Variants in MTUS1 observed in about 807,000 individuals in gnomAD.
MTUS1 encodes the protein microtubule associated scaffold protein 1, also known as microtubule-associated tumor suppressor 1.
A neutral mutation model predicts 120.8 loss-of-function variants in MTUS1; 109 were observed. The observed-to-expected ratio is 0.90, with a 90% confidence interval of 0.77 to 1.06. The LOEUF (loss-of-function observed/expected upper bound fraction) is 1.06. MTUS1 is among the 50% of genes least tolerant of loss of function. MTUS1 has a pLI of 0.00. For missense variants in MTUS1, 2,210 were observed against 1,486.3 expected (o/e 1.49, Z -8.01); for synonymous variants, 737 against 550.5 (o/e 1.34, Z -4.74).
chr8:17,697,924 A>T (rs1326251976), intron 6 of MTUS1, among the ~76,000 whole-genome samples: 2 of 152,212 alleles, frequency 1.3e-5, no homozygotes, highest in African/African-American at 4.8e-5. Context: ...TGATAACATG[A>T]GCATTTTTTC....
intron 8 of MTUS1, among the ~76,000 whole-genome samples, chr8:17,670,599 G>A (rs1225309428): frequency 3.9e-5 from 6 of 152,112 alleles, no homozygotes; most frequent in Non-Finnish European, 7.3e-5. Context: ...CGAGACGGGC[G>A]GATCACTTGA....
rs572353133 is a variant in MTUS1, at chr8:17,643,833, A to G, written c.*2093T>C. ...ATTCCAGCATTATTTATTTGATCAG[A>G]GTAAAATACACTTCCCATCACTACA... On this transcript the variant is annotated 3_prime_UTR_variant, in exon 15 of 15. Transcript: ENST00000693296. The G allele has an allele frequency of 3.3e-5, 5 of 152,262 alleles. No individual in the cohort carries two copies. The allele number at this position is 152,262 out of a possible 1,614,324, so 9.4% of individuals were successfully genotyped here. A position where few individuals can be genotyped will look rare whatever the true frequency, so the allele number is the denominator to read the frequency against.
At position 17,741,635 on chromosome 8, in the gene MTUS1, G is replaced by A. The variant is rs149608051; in HGVS notation, c.2287+1969C>T. Among the ~76,000 whole-genome samples, 51 of 152,264 alleles carry A rather than the reference G, an allele frequency of 3.3e-4. No individual in the cohort carries two copies. In the East Asian group the frequency reaches 7.1e-3, roughly 21 times the overall value. On this transcript the variant is annotated intron_variant, in intron 3 of 14. Coordinates refer to ENST00000693296, the MANE Select transcript of MTUS1 (RefSeq NM_001363059.2). ...AAAAGGACTTAACAACTACTTCCCC[G>A]CTGGGTGGGACTGATCGCCTACATA...
rs566536059 is a variant in MTUS1 at position 17,766,178 on chromosome 8, C to T, written c.-154-10217G>A. Among the ~76,000 whole-genome samples the T allele has an allele frequency of 2.6e-5, 4 of 152,270 alleles. No individual in the cohort carries two copies. The South Asian group carries it at 8.3e-4, about 32-fold the overall frequency. ...GCTACAGCTGTCAAAGATCATAAAACTGAAAGCATACGGTATTAGCAAAAA... is the reference window on the plus strand; with the variant it reads ...GCTACAGCTGTCAAAGATCATAAAATTGAAAGCATACGGTATTAGCAAAAA... On this transcript the variant is annotated intron_variant, in intron 1 of 14. Transcript: ENST00000693296.
At chr8:17,784,357 G>A (rs1415631728) in intron 1 of MTUS1, among the ~76,000 whole-genome samples, 3 of 141,722 alleles carry the variant, frequency 2.1e-5, no homozygotes, top group East Asian at 2.1e-4. Flanking sequence ...GTGCAATGTC[G>A]CCATCTCGGC....
At chr8:17,688,042 G>A (rs1482161387) in intron 6 of MTUS1, among the ~76,000 whole-genome samples, 2 of 152,158 alleles carry the variant, frequency 1.3e-5, no homozygotes, top group African/African-American at 2.4e-5. Context: ...ATTCTAGGCT[G>A]AAGAAGCCAC....
intron 6 of MTUS1, among the ~76,000 whole-genome samples, chr8:17,698,253 A>T (rs898354128): frequency 6.6e-6 from 1 of 152,198 alleles, no homozygotes; most frequent in African/African-American, 2.4e-5. Flanking sequence ...ATAGAACATC[A>T]TGTGGTCTCT....
At chr8:17,773,395 C>A (rs2050158952) in intron 1 of MTUS1, among the ~76,000 whole-genome samples, 2 of 152,174 alleles carry the variant, frequency 1.3e-5, no homozygotes, top group African/African-American at 4.8e-5. Flanking sequence ...GTGTCTATAT[C>A]AATGGCTTTC....
intron 5 of MTUS1, among the ~76,000 whole-genome samples, chr8:17,714,562 CTGAAG>C (rs1821944796): frequency 1.3e-5 from 2 of 152,290 alleles, no homozygotes; most frequent in South Asian, 2.1e-4. Context: ...CCACTATAAA[CTGAAG>C]TGGACAACCA....
intron 2 of MTUS1, among the ~76,000 whole-genome samples, chr8:17,750,256 G>C (rs947316936): frequency 1.3e-5 from 2 of 152,242 alleles, no homozygotes; most frequent in African/African-American, 4.8e-5. Context: ...GAACAATACA[G>C]AATTGGCCAA....
intron 1 of MTUS1, among the ~76,000 whole-genome samples, chr8:17,762,790 T>A (rs1275897653): frequency 6.6e-6 from 1 of 152,190 alleles, no homozygotes; most frequent in East Asian, 1.9e-4. Context: ...GGCCTTTGGT[T>A]GGTCAACTGA....
intron 6 of MTUS1, among the ~76,000 whole-genome samples, chr8:17,689,072 G>A (rs934474681): frequency 3.2e-4 from 49 of 152,226 alleles, no homozygotes; most frequent in African/African-American, 1.1e-3. Context: ...TTAGCTGGGT[G>A]TGGTGGCACC....
intron 3 of MTUS1, among the ~76,000 whole-genome samples, chr8:17,743,298 C>A (rs966239652): frequency 6.6e-6 from 1 of 152,082 alleles, no homozygotes; most frequent in Non-Finnish European, 1.5e-5. Context: ...AGCACTTAAC[C>A]ATTTGAAAAA....
intron 8 of MTUS1, among the ~76,000 whole-genome samples, chr8:17,668,412 T>A (rs1369747381): frequency 6.6e-6 from 1 of 152,222 alleles, no homozygotes; most frequent in Non-Finnish European, 1.5e-5. Flanking sequence ...CATGGCCCTC[T>A]ATTGCACCAG....
chr8:17,715,622 C>G (rs1194595696), intron 5 of MTUS1, 145 bp downstream of exon 5: 1 of 907,452 alleles, frequency 1.1e-6, no homozygotes, highest in Non-Finnish European at 1.6e-6. Flanking sequence ...TTCCTCAGTG[C>G]AAAAATGTAT....
chr8:17,662,188 T>G (rs980709670), intron 8 of MTUS1, among the ~76,000 whole-genome samples: 2 of 152,070 alleles, frequency 1.3e-5, no homozygotes, highest in African/African-American at 4.8e-5. Flanking sequence ...CTCTTCTTGC[T>G]CATTCTCCAG....
At chr8:17,669,662 A>G (rs2130568460) in intron 8 of MTUS1, among the ~76,000 whole-genome samples, 1 of 152,214 alleles carries the variant, frequency 6.6e-6, no homozygotes, top group East Asian at 1.9e-4. Context: ...CCTGGCCAAC[A>G]TGGTGAAACC....
intron 10 of MTUS1, chr8:17,654,305 C>A (rs369698180): frequency 1.6e-5 from 8 of 489,902 alleles, no homozygotes; most frequent in African/African-American, 5.8e-5. Context: ...CAACCACCAC[C>A]GCCAAAATGG....
intron 3 of MTUS1, among the ~76,000 whole-genome samples, chr8:17,742,296 T>TG (rs2047391726): frequency 7.0e-6 from 1 of 142,260 alleles, no homozygotes; most frequent in African/African-American, 2.7e-5. Context: ...TTGTTGTTTT[T>TG]TTTTTTTTTT....
Sources: allele counts gnomAD v4.1 joint callset (sites outside exome capture counted in the v4.1 genomes callset), GRCh38; gene constraint gnomAD v4.1.1; transcripts MANE v1.5; gene names NCBI Gene and HGNC (gene_info 2026-07-23, HGNC 2026-07-21).